GSE1: variants seen among roughly 807,000 people sequenced by gnomAD.
GSE1 encodes Gse1 coiled-coil protein, also known as genetic suppressor element 1.
A neutral mutation model predicts 112.6 loss-of-function variants in GSE1; 32 were observed. The observed-to-expected ratio is 0.28, with a 90% confidence interval of 0.21 to 0.38. GSE1 has a LOEUF of 0.38. Ranked by LOEUF, GSE1 falls within the 10% of genes least tolerant of loss-of-function variation. The pLI, the probability that GSE1 is intolerant of heterozygous loss-of-function variation, is 1.00. For synonymous variants in GSE1, 1,115 were observed against 735.6 expected, an observed-to-expected ratio of 1.52 and a Z score of -8.35; for missense variants, 2,348 against 1,699.2, an observed-to-expected ratio of 1.38 and a Z score of -6.71.
chr16:85,297,476 TG>T (rs2045400194), intron 1 of GSE1, among the ~76,000 whole-genome samples: 1 of 152,210 alleles, frequency 6.6e-6, no homozygotes, highest in Non-Finnish European at 1.5e-5. Context: ...GCCCCTGTCA[TG>T]AATGTCTAGC....
chr16:85,356,900 G>T (rs551647620), intron 1 of GSE1, among the ~76,000 whole-genome samples: 1 of 152,200 alleles, frequency 6.6e-6, no homozygotes, highest in African/African-American at 2.4e-5. Flanking sequence ...CGCACCAGGT[G>T]CCCGGCGGCC....
At chr16:85,203,336 G>A (rs1213838848) in intron 1 of GSE1, among the ~76,000 whole-genome samples, 1 of 152,202 alleles carries the variant, frequency 6.6e-6, no homozygotes, top group African/African-American at 2.4e-5. Flanking sequence ...CCTGTGTCCA[G>A]GTCCAGTCTA....
intron 1 of GSE1, among the ~76,000 whole-genome samples, chr16:85,307,008 C>T (rs1056485007): frequency 6.6e-6 from 1 of 152,252 alleles, no homozygotes; most frequent in Non-Finnish European, 1.5e-5. Context: ...GTGGGTGCAG[C>T]CCAAGCTCCT....
chr16:85,485,303 G>A (rs1044194771), intron 2 of GSE1, among the ~76,000 whole-genome samples: 16 of 152,232 alleles, frequency 1.1e-4, no homozygotes, highest in African/African-American at 3.4e-4. Context: ...TCCGGAGAGG[G>A]AGAGACAGGA....
chr16:85,656,394 C>CGAGCGT lies in GSE1; in HGVS notation c.1051_1056dup (p.Arg351_Glu352dup), dbSNP rs145522531. The CGAGCGT allele has an allele frequency of 1.1e-4, 168 of 1,532,474 alleles. No individual in the cohort carries two copies. The highest frequency in any genetic ancestry group is 7.9e-4 in the South Asian group (67 of 84,736). The allele number at this position is 1,532,474 out of a possible 1,614,324, so 94.9% of individuals were successfully genotyped here. On this transcript the variant is annotated inframe_insertion, in exon 7 of 16. Coordinates refer to ENST00000253458, the MANE Select transcript of GSE1 (RefSeq NM_014615.5). ...GGGAGAGGGAGCGCGAGCGCGAGCG[C>CGAGCGT]GAGCGTGAGCGTGAGGCTGACCGCG...
chr16:85,294,931 T>C (rs1030127347), intron 1 of GSE1, among the ~76,000 whole-genome samples: 7 of 152,042 alleles, frequency 4.6e-5, no homozygotes, highest in Non-Finnish European at 8.8e-5. Flanking sequence ...TTTACATTTT[T>C]GCAGAGACGG....
chr16:85,259,530 C>T (rs1424752135), intron 1 of GSE1, among the ~76,000 whole-genome samples: 1 of 152,270 alleles, frequency 6.6e-6, no homozygotes, highest in Non-Finnish European at 1.5e-5. Flanking sequence ...TGCCCCAGGG[C>T]AGCCAGGGCA....
chr16:85,322,615 T>C (rs1021788486), intron 1 of GSE1, among the ~76,000 whole-genome samples: 1 of 65,640 alleles, frequency 1.5e-5, no homozygotes, highest in East Asian at 3.2e-4. Flanking sequence ...TCCATTTTGC[T>C]TTTTTTTTTT....
intron 1 of GSE1, among the ~76,000 whole-genome samples, chr16:85,324,279 G>C (rs1343154505): frequency 6.6e-6 from 1 of 152,200 alleles, no homozygotes; most frequent in Admixed American, 6.5e-5. Context: ...AGAGACTGAG[G>C]CAGGTGGATC....
intron 2 of GSE1, among the ~76,000 whole-genome samples, chr16:85,530,882 G>C (rs148053501): frequency 6.6e-6 from 1 of 152,244 alleles, no homozygotes; most frequent in Non-Finnish European, 1.5e-5. Context: ...TGCAGCCTCC[G>C]TGCCAGAGCT....
chr16:85,556,023 C>CA, exon 1 of GSE1: 2 of 985,066 alleles, frequency 2.0e-6, no homozygotes, highest in Non-Finnish European at 1.2e-6. Flanking sequence ...CCCGGGCAGC[C>CA]GTGGAGGCTC....
At chr16:85,537,911 C>T (rs2044385982) in intron 2 of GSE1, among the ~76,000 whole-genome samples, 1 of 152,202 alleles carries the variant, frequency 6.6e-6, no homozygotes, top group African/African-American at 2.4e-5. Context: ...CCATGGATAG[C>T]CAGACAGAGG....
intron 2 of GSE1, among the ~76,000 whole-genome samples, chr16:85,451,463 C>T (rs904780212): frequency 5.4e-5 from 7 of 130,212 alleles, no homozygotes; most frequent in South Asian, 2.7e-4. Flanking sequence ...GTGGTTGGTG[C>T]GTGCGCTGGT....
chr16:85,367,930 A>C (rs1379370179), intron 2 of GSE1, among the ~76,000 whole-genome samples: 1 of 147,942 alleles, frequency 6.8e-6, no homozygotes, highest in East Asian at 2.0e-4. Context: ...GCTCACTGCA[A>C]CCTCTGCCTC....
chr16:85,496,590 G>A (rs1281207243), intron 2 of GSE1, among the ~76,000 whole-genome samples: 2 of 152,256 alleles, frequency 1.3e-5, no homozygotes, highest in African/African-American at 4.8e-5. Flanking sequence ...TTTGCAGGCT[G>A]AGGGCAGAAG....
chr16:85,556,955 C>A (rs985619953), intron 1 of GSE1, among the ~76,000 whole-genome samples: 4 of 152,072 alleles, frequency 2.6e-5, no homozygotes, highest in Non-Finnish European at 4.4e-5. Context: ...GTTTCCTTAA[C>A]CTTCCTGCGC....
chr16:85,206,669 C>T (rs1227331139), intron 1 of GSE1, among the ~76,000 whole-genome samples: 1 of 151,480 alleles, frequency 6.6e-6, no homozygotes, highest in Non-Finnish European at 1.5e-5. Context: ...CCTGCCCCTG[C>T]CCGTCCCCTC....
In GSE1 at chr16:85,548,590, C is replaced by T. The variant is rs189047652; in HGVS notation, c.2465-85324C>T. Among the ~76,000 whole-genome samples the T allele has an allele frequency of 1.9e-3, 295 of 152,260 alleles. 3 individuals carry two copies. The highest frequency in any genetic ancestry group is 0.019 in the South Asian group (92 of 4,818). ...AATGACAGGGTTTCATTCTTTTTTA[C>T]GGGTGAGTAGTATTCCATTGCGTGT... is the stretch of plus-strand genomic sequence containing the variant. On this transcript the variant is annotated intron_variant, in intron 2 of 2. Coordinates refer to the GSE1 transcript ENST00000637419.
intron 1 of GSE1, among the ~76,000 whole-genome samples, chr16:85,577,665 C>T (rs1041225054): frequency 3.3e-5 from 5 of 152,278 alleles, no homozygotes; most frequent in South Asian, 2.1e-4. Flanking sequence ...GAGGGTCACC[C>T]GGCAGGTCCT....
Sources: gnomAD v4.1 joint callset for allele counts (sites outside exome capture counted in the v4.1 genomes callset) on GRCh38, gnomAD v4.1.1 for gene constraint, MANE v1.5 for transcripts, NCBI Gene and HGNC (gene_info 2026-07-23, HGNC 2026-07-21) for gene names.